CLVS1: variants seen among roughly 807,000 people sequenced by gnomAD.
CLVS1 encodes the protein clavesin-1.
CLVS1 carries 10 observed loss-of-function variants against 33.1 expected under a neutral mutation model. That is an observed-to-expected ratio of 0.30 (90% confidence interval 0.19 to 0.51). The LOEUF (loss-of-function observed/expected upper bound fraction) is 0.51. CLVS1 is among the 20% of genes least tolerant of loss of function. The probability of loss-of-function intolerance (pLI) is 0.97; values close to 1 mark genes in which losing one functional copy is unlikely to be tolerated. For missense variants in CLVS1, 343 were observed against 433.4 expected (o/e 0.79, Z 1.85); for synonymous variants, 163 against 166.1 (o/e 0.98, Z 0.14).
Position 61,226,659 on chromosome 8 carries a change from G to C in CLVS1, c.-151-73018G>C, listed in dbSNP as rs145528728. 1.4e-3 allele frequency among the ~76,000 whole-genome samples: 219 copies of C among 152,306 alleles called. 1 individual carries two copies. The highest frequency in any genetic ancestry group is 3.8e-3 in the Admixed American group (58 of 15,300). On this transcript the variant is annotated intron_variant, in intron 2 of 2. Transcript: ENST00000522621. ...ATCAATAAAATTTCGAGTGAATGAA[G>C]AATAATCTTGGAATCTTCCTTATAA...
the CLVS1 span, among the ~76,000 whole-genome samples, chr8:61,025,138 T>C: frequency 1.3e-5 from 2 of 152,298 alleles, no homozygotes; most frequent in African/African-American, 4.8e-5. Context: ...TGAGCCACCA[T>C]GCCCAGGCGT....
chr8:61,142,529 G>A, intron 2 of CLVS1, among the ~76,000 whole-genome samples: 1 of 152,184 alleles, frequency 6.6e-6, no homozygotes, highest in Non-Finnish European at 1.5e-5. Flanking sequence ...GGAAAAAAGG[G>A]AAAGGAAGAA....
In CLVS1 at chr8:61,074,421, G is replaced by GTA. The variant is rs1298060662; in HGVS notation, c.-243+17201_-243+17202dup. ...ATGTTATATATATATAAGTATATGT[G>GTA]TATATATATATGTTATATATATATA... On this transcript the variant is annotated intron_variant, in intron 1 of 2. Coordinates refer to the CLVS1 transcript ENST00000522621. Among the ~76,000 whole-genome samples the GTA allele has an allele frequency of 5.2e-3, 721 of 137,740 alleles. 43 individuals carry two copies. Among genetic ancestry groups the GTA allele is most frequent in the African/African-American group, 0.019 (674 of 35,622 alleles). The allele number at this position is 137,740 out of a possible 152,430, so 90.4% of individuals were successfully genotyped here.
the CLVS1 span, among the ~76,000 whole-genome samples, chr8:61,000,672 A>G: frequency 6.6e-6 from 1 of 152,230 alleles, no homozygotes; most frequent in African/African-American, 2.4e-5. Context: ...CTGAATTTCC[A>G]ATGGTAAATT....
At chr8:61,231,179 C>T (rs1808425079) in intron 2 of CLVS1, among the ~76,000 whole-genome samples, 1 of 152,098 alleles carries the variant, frequency 6.6e-6, no homozygotes, top group Non-Finnish European at 1.5e-5. Flanking sequence ...GCCAGCCAGG[C>T]CAATACCCAT....
At chr8:61,493,927 C>T (rs953295230) in intron 5 of CLVS1, among the ~76,000 whole-genome samples, 5 of 152,024 alleles carry the variant, frequency 3.3e-5, no homozygotes, top group African/African-American at 4.8e-5. Context: ...TTGGTGAATG[C>T]CTGGGGTTGG....
At chr8:61,217,217 C>G (rs746831876) in intron 2 of CLVS1, among the ~76,000 whole-genome samples, 3 of 152,176 alleles carry the variant, frequency 2.0e-5, no homozygotes, top group Non-Finnish European at 4.4e-5. Context: ...CTTATACTTA[C>G]AGAATAGAAA....
intron 2 of CLVS1, among the ~76,000 whole-genome samples, chr8:61,329,864 C>A (rs1253479959): frequency 6.6e-6 from 1 of 152,066 alleles, no homozygotes; most frequent in Admixed American, 6.6e-5. Context: ...ATAAGAATTT[C>A]TTGACTGCTC....
rs754196408 is a variant in CLVS1, at chr8:61,288,106, A to T, written c.-184A>T. 1 of 456,264 alleles carries T rather than the reference A, an allele frequency of 2.2e-6. No individual in the cohort carries two copies. Among genetic ancestry groups the T allele is most frequent in the Non-Finnish European group, 4.4e-6 (1 of 226,956 alleles). 28.3% of individuals were successfully genotyped at this position (456,264 alleles called of 1,614,324 possible). ...GCAGCGAGGACACCTGCAGAAATAC[A>T]TTCCCAAAGCAAGGCTGGGCGGCCG... On this transcript the variant is annotated 5_prime_UTR_variant, in exon 1 of 6. Coordinates refer to ENST00000325897, the MANE Select transcript of CLVS1 (RefSeq NM_173519.3).
At chr8:61,116,284 A>C (rs1805722223) in intron 1 of CLVS1, among the ~76,000 whole-genome samples, 1 of 152,130 alleles carries the variant, frequency 6.6e-6, no homozygotes, top group Non-Finnish European at 1.5e-5. Flanking sequence ...GCCCTTTGTC[A>C]GATGAGTAGG....
At chr8:61,075,813 T>G (rs1804899586) in intron 1 of CLVS1, among the ~76,000 whole-genome samples, 1 of 152,340 alleles carries the variant, frequency 6.6e-6, no homozygotes, top group African/African-American at 2.4e-5. Flanking sequence ...GCTCTATTAG[T>G]TCAAGCTGAG....
chr8:61,498,490 A>C (rs1019217864), intron 5 of CLVS1, among the ~76,000 whole-genome samples: 1 of 152,242 alleles, frequency 6.6e-6, no homozygotes, highest in Middle Eastern at 3.2e-3. Context: ...TTAGTTGTGA[A>C]CATTTATTAA....
intron 2 of CLVS1, among the ~76,000 whole-genome samples, chr8:61,239,915 G>A (rs1047387463): frequency 2.0e-5 from 3 of 152,050 alleles, no homozygotes; most frequent in Non-Finnish European, 2.9e-5. Context: ...CAGAGGGGTG[G>A]GTACCATGCC....
chr8:61,328,234 CA>C (rs1172541060), intron 2 of CLVS1, among the ~76,000 whole-genome samples: 1 of 152,162 alleles, frequency 6.6e-6, no homozygotes, highest in East Asian at 1.9e-4. Flanking sequence ...CCTTCTGATC[CA>C]GGGAATAGCT....
intron 1 of CLVS1, among the ~76,000 whole-genome samples, chr8:61,063,952 A>G (rs527460861): frequency 1.3e-5 from 2 of 152,212 alleles, no homozygotes; most frequent in Non-Finnish European, 2.9e-5. Context: ...TATTCTAGGT[A>G]TCTCATATAA....
At chr8:61,485,393 A>G (rs2129608362) in intron 5 of CLVS1, among the ~76,000 whole-genome samples, 1 of 152,338 alleles carries the variant, frequency 6.6e-6, no homozygotes, top group African/African-American at 2.4e-5. Flanking sequence ...AACCACAATG[A>G]GATACCATCT....
chr8:61,254,607 G>T (rs1786541058), intron 2 of CLVS1, among the ~76,000 whole-genome samples: 1 of 152,088 alleles, frequency 6.6e-6, no homozygotes, highest in African/African-American at 2.4e-5. Flanking sequence ...ACCTACTCAA[G>T]CCTCAGCAAT....
chr8:61,081,437 C>T (rs1805018219), intron 1 of CLVS1, among the ~76,000 whole-genome samples: 1 of 152,178 alleles, frequency 6.6e-6, no homozygotes, highest in Middle Eastern at 3.4e-3. Context: ...CTGAGGCCAA[C>T]AAGCATGTTA....
At position 61,499,864 on chromosome 8, in the gene CLVS1, T is replaced by C. The variant is rs551951827; in HGVS notation, c.*322T>C. The C allele has an allele frequency of 6.7e-4, 134 of 199,752 alleles. 2 individuals are homozygous for C. In the Middle Eastern group the frequency reaches 0.023, roughly 34 times the overall value. 12.4% of individuals were successfully genotyped at this position (199,752 alleles called of 1,614,324 possible). ...GACTAAATTTGATGGACACACTGCA[T>C]TAGGACAAGAATTTTTCTGAGGTAT... On this transcript the variant is annotated 3_prime_UTR_variant, in exon 6 of 6. Transcript: ENST00000325897.
Sources: gnomAD v4.1 joint callset for allele counts (sites outside exome capture counted in the v4.1 genomes callset) on GRCh38, gnomAD v4.1.1 for gene constraint, MANE v1.5 for transcripts, NCBI Gene and HGNC (gene_info 2026-07-23, HGNC 2026-07-21) for gene names.